GALNT18: variants seen among roughly 807,000 people sequenced by gnomAD.
GALNT18 encodes the protein polypeptide N-acetylgalactosaminyltransferase 18.
A neutral mutation model predicts 69.5 loss-of-function variants in GALNT18; 44 were observed. The ratio of observed to expected loss-of-function variants is 0.63; its 90% confidence interval spans 0.50 to 0.81. The LOEUF is 0.81. GALNT18 is among the 40% of genes least tolerant of loss of function. The pLI, the probability that GALNT18 is intolerant of heterozygous loss-of-function variation, is 0.00. For missense variants in GALNT18, 715 were observed against 810.0 expected, an observed-to-expected ratio of 0.88 and a Z score of 1.42; for synonymous variants, 364 against 318.2, an observed-to-expected ratio of 1.14 and a Z score of -1.53.
rs540136660 is a variant in GALNT18, at chr11:11,562,351, C to T, written c.235+59008G>A. ...TGTTTCCCCTTTAGATGTGCACACCCGTCATATTGGATTGGGGCCCACCCC... is the reference window on the plus strand; with the variant it reads ...TGTTTCCCCTTTAGATGTGCACACCTGTCATATTGGATTGGGGCCCACCCC... On this transcript the variant is annotated intron_variant, in intron 1 of 10. Coordinates refer to ENST00000227756, the MANE Select transcript of GALNT18 (RefSeq NM_198516.3). This position sits in a 1 kb window ranked among gnomAD's most constrained non-coding sequence, Gnocchi z 4.1. 5.9e-5 allele frequency among the ~76,000 whole-genome samples: 9 copies of T among 152,216 alleles called. No individual in the cohort carries two copies. Among genetic ancestry groups the T allele is most frequent in the African/African-American group, 1.4e-4 (6 of 41,528 alleles).
chr11:11,493,749 G>GAC (rs3043378), intron 1 of GALNT18, among the ~76,000 whole-genome samples: 3 of 151,764 alleles, frequency 2.0e-5, no homozygotes, highest in African/African-American at 7.3e-5. Context: ...GGAAAGTCGT[G>GAC]TTTCTGCTCT....
intron 1 of GALNT18, among the ~76,000 whole-genome samples, chr11:11,608,385 A>C (rs546698272): frequency 1.6e-4 from 24 of 151,898 alleles, no homozygotes; most frequent in African/African-American, 5.6e-4. Context: ...TTTGAGACAG[A>C]GTCTTGCTCT....
Position 11,332,577 on chromosome 11 carries a change from G to T in GALNT18, c.1416+117C>A. 8.4e-7 allele frequency: 1 copy of T among 1,196,228 alleles called. No homozygotes were observed. Among genetic ancestry groups the T allele is most frequent in the Non-Finnish European group, 1.2e-6 (1 of 840,574 alleles). 74.1% of individuals were successfully genotyped at this position (1,196,228 alleles called of 1,614,324 possible). On this transcript the variant is annotated intron_variant, in intron 8 of 10. Transcript: ENST00000227756. This position sits in a 1 kb window ranked among gnomAD's most constrained non-coding sequence, Gnocchi z 4.3. ...TGCAGAACCCAGCGCCCGGTCCCCAGGCCTACTGCAGTTCTTCATGTGAGC... is the reference window on the plus strand; with the variant it reads ...TGCAGAACCCAGCGCCCGGTCCCCATGCCTACTGCAGTTCTTCATGTGAGC...
chr11:11,340,907 T>C lies in GALNT18; in HGVS notation c.1190A>G (p.His397Arg). 3 of 1,614,044 alleles carry C rather than the reference T, an allele frequency of 1.9e-6. No homozygotes were observed. The highest frequency in any genetic ancestry group is 2.5e-6 in the Non-Finnish European group (3 of 1,179,950). Residue 397 changes from histidine to arginine, a missense_variant, in exon 7 of 11, where the codon CAT (histidine) becomes CGT (arginine). Coordinates refer to ENST00000227756, the MANE Select transcript of GALNT18 (RefSeq NM_198516.3). This position sits in a 1 kb window ranked among gnomAD's most constrained non-coding sequence, Gnocchi z 4.2. ...CACCCTGAGAGCGTTCCTGCGGACA[T>C]GGGCGGTGAGGTCCTCTGTGTAGGG... ...HKPYTEDLTA[H>R]VRRNALRVAE...
At chr11:11,450,533 C>T (rs536749453) in intron 1 of GALNT18, among the ~76,000 whole-genome samples, 4 of 152,296 alleles carry the variant, frequency 2.6e-5, no homozygotes, top group African/African-American at 4.8e-5. Flanking sequence ...AGCAAGCTCA[C>T]GATCCTGAAA....
At chr11:11,486,587 T>C (rs182055355) in intron 1 of GALNT18, among the ~76,000 whole-genome samples, 1 of 152,236 alleles carries the variant, frequency 6.6e-6, no homozygotes, top group South Asian at 2.1e-4. Flanking sequence ...CAGTGTACTA[T>C]CTTTATTACA....
At chr11:11,451,074 G>A (rs1255444835) in intron 1 of GALNT18, among the ~76,000 whole-genome samples, 1 of 152,166 alleles carries the variant, frequency 6.6e-6, no homozygotes, top group Non-Finnish European at 1.5e-5. Context: ...ATATACTGAA[G>A]AATAAAATGC....
chr11:11,319,489 A>G (rs1385011811), intron 9 of GALNT18, among the ~76,000 whole-genome samples: 4 of 152,232 alleles, frequency 2.6e-5, no homozygotes, highest in Non-Finnish European at 5.9e-5. Context: ...CAATTTGGAC[A>G]CAGACACACA....
Position 11,614,362 on chromosome 11 carries a change from A to AGAAGAGGAG in GALNT18, c.235+6996_235+6997insCTCCTCTTC, listed in dbSNP as rs1554958236. 1.4e-5 allele frequency among the ~76,000 whole-genome samples: 2 copies of AGAAGAGGAG among 146,308 alleles called. No individual in the cohort carries two copies. The highest frequency in any genetic ancestry group is 5.1e-5 in the African/African-American group (2 of 38,910). ...CAAGAGAGTGAGGAGAAGAAGAAGA[A>AGAAGAGGAG]GAGGAGGAGGAGGAGGAGGAGGAGG... On this transcript the variant is annotated intron_variant, in intron 1 of 10. Transcript: ENST00000227756. This position sits in a 1 kb window ranked among gnomAD's most constrained non-coding sequence, Gnocchi z 5.6.
intron 1 of GALNT18, among the ~76,000 whole-genome samples, chr11:11,486,511 C>T (rs752496044): frequency 1.3e-5 from 2 of 152,218 alleles, no homozygotes; most frequent in East Asian, 3.8e-4. Context: ...AAAAATAATT[C>T]ATAGTACTAG....
At chr11:11,527,618 A>G (rs937609595) in intron 1 of GALNT18, among the ~76,000 whole-genome samples, 5 of 26,018 alleles carry the variant, frequency 1.9e-4, no homozygotes, top group Non-Finnish European at 5.6e-4. Context: ...GATTAAATAT[A>G]TATTATACAT....
chr11:11,512,340 C>T (rs1857182154), intron 1 of GALNT18, among the ~76,000 whole-genome samples: 1 of 152,208 alleles, frequency 6.6e-6, no homozygotes, highest in South Asian at 2.1e-4. Flanking sequence ...CTCCGCCTGA[C>T]CCAGATCCGC....
chr11:11,400,181 C>A (rs1854428255), intron 3 of GALNT18, among the ~76,000 whole-genome samples: 1 of 152,180 alleles, frequency 6.6e-6, no homozygotes, highest in East Asian at 1.9e-4. Context: ...CACAGACCAT[C>A]CAGGCCCAGT....
chr11:11,511,980 CCAT>C lies in GALNT18; in HGVS notation c.236-63047_236-63045del, dbSNP rs540129949. Among the ~76,000 whole-genome samples the C allele has an allele frequency of 4.6e-5, 7 of 152,232 alleles. No individual in the cohort carries two copies. In the South Asian group the frequency reaches 1.2e-3, roughly 27 times the overall value. ...ATATACATATGTATATGTATGCATACCATCATATGTATACACATGTCTACATAT... is the reference window on the plus strand; with the variant it reads ...ATATACATATGTATATGTATGCATACCATATGTATACACATGTCTACATAT... On this transcript the variant is annotated intron_variant, in intron 1 of 10. Transcript: ENST00000227756. The surrounding 1 kb of genome is among the most constrained non-coding windows in gnomAD (Gnocchi z 4.9).
chr11:11,379,357 G>GCCTTTCTCTGGGGGTC, intron 3 of GALNT18, 93 bp from the exon 4 acceptor site: 1 of 1,276,586 alleles, frequency 7.8e-7, no homozygotes, highest in Non-Finnish European at 1.1e-6. Context: ...ATGACCCCCA[G>GCCTTTCTCTGGGGGTC]AGAAAGGCTG....
chr11:11,374,559 G>C (rs1011784168), intron 5 of GALNT18, among the ~76,000 whole-genome samples: 1 of 152,196 alleles, frequency 6.6e-6, no homozygotes, highest in Non-Finnish European at 1.5e-5. Context: ...CACAGGAAGG[G>C]ACCTTCCTCA....
intron 1 of GALNT18, among the ~76,000 whole-genome samples, chr11:11,486,605 T>C (rs915730549): frequency 2.0e-5 from 3 of 152,264 alleles, no homozygotes; most frequent in Non-Finnish European, 4.4e-5. Context: ...ACATCCATAC[T>C]GACATTTAAC....
chr11:11,398,736 G>T (rs553115259), intron 3 of GALNT18, among the ~76,000 whole-genome samples: 1 of 152,200 alleles, frequency 6.6e-6, no homozygotes, highest in East Asian at 1.9e-4. Flanking sequence ...CCAGATGGAC[G>T]CATGGGATTT....
intron 3 of GALNT18, among the ~76,000 whole-genome samples, chr11:11,385,586 T>C (rs117590672): frequency 0.015 from 2,329 of 152,204 alleles, 38 homozygotes; most frequent in African/African-American, 0.04. Flanking sequence ...TGAGCCACCA[T>C]GCCCGGCCTA....
Sources: gnomAD v4.1 joint callset for allele counts (sites outside exome capture counted in the v4.1 genomes callset) on GRCh38, gnomAD v4.1.1 for gene constraint, Gnocchi (gnomAD v3.1) non-coding constraint, MANE v1.5 for transcripts, NCBI Gene and HGNC (gene_info 2026-07-23, HGNC 2026-07-21) for gene names.